Variants in CNOT4 observed in about 807,000 individuals in gnomAD.
CNOT4 encodes CCR4-NOT transcription complex subunit 4, also known as CCR4-associated factor 4.
Under a neutral mutation model 73.8 loss-of-function variants are expected in CNOT4, and 8 were observed. The observed-to-expected ratio is 0.11, with a 90% CI of 0.06 to 0.20. The LOEUF (loss-of-function observed/expected upper bound fraction) is 0.20. Ranked by LOEUF, CNOT4 falls within the 10% of genes least tolerant of loss-of-function variation. The probability of loss-of-function intolerance (pLI) is 1.00; values close to 1 mark genes in which losing one functional copy is unlikely to be tolerated. For synonymous variants in CNOT4, 293 were observed against 321.1 expected (o/e 0.91, Z 0.94); for missense variants, 564 against 883.4 (o/e 0.64, Z 4.58).
intron 1 of CNOT4, among the ~76,000 whole-genome samples, chr7:135,472,284 T>G (rs1326676671): frequency 6.7e-6 from 1 of 149,126 alleles, no homozygotes; most frequent in Non-Finnish European, 1.5e-5. Context: ...GAGACCATCC[T>G]GGATAACACA....
rs1796651859 is a variant in CNOT4, at chr7:135,395,880, A to G, written c.883T>C (p.Ser295Pro). ...IGNGDNSQQI[S>P]NSDTPSPPPG... ...GGTGGTGAAGGCGTATCACTGTTAG[A>G]TATCTGAATAAAAAAGGAAAACAAA... Residue 295 changes from serine to proline, a missense_variant, in exon 9 of 12, where the codon TCT becomes CCT. This residue lies in a region of CNOT4 where 135 missense variants were observed against 154.0 expected (regional missense o/e 0.88). Coordinates refer to ENST00000541284, the MANE Select transcript of CNOT4 (RefSeq NM_001190850.2). The G allele has an allele frequency of 3.7e-6, 6 of 1,600,074 alleles. No individual in the cohort carries two copies. The East Asian group carries it at 8.9e-5, about 24-fold the overall frequency.
chr7:135,502,829 A>G (rs539154893), intron 1 of CNOT4, among the ~76,000 whole-genome samples: 5 of 151,132 alleles, frequency 3.3e-5, no homozygotes, highest in African/African-American at 4.9e-5. Context: ...AAAAAAAAAA[A>G]AAAAAGAAAA....
At chr7:135,472,823 T>C (rs971637523) in intron 1 of CNOT4, among the ~76,000 whole-genome samples, 1 of 151,930 alleles carries the variant, frequency 6.6e-6, no homozygotes, top group African/African-American at 2.4e-5. Flanking sequence ...GTGGATCACT[T>C]GAGCCCTGTA....
Position 135,385,110 on chromosome 7 carries a change from C to T in CNOT4, c.1627+8808G>A, listed in dbSNP as rs80276777. Among the ~76,000 whole-genome samples, 340 of 152,350 alleles carry T rather than the reference C, an allele frequency of 2.2e-3. 12 individuals carry two copies. In the East Asian group the frequency reaches 0.054, roughly 24 times the overall value. On this transcript the variant is annotated intron_variant, in intron 10 of 11. Transcript: ENST00000541284. ...AATGGCATACTACTGGAATTACTTT[C>T]TAACCGGTCCTAATTGCAATCAAAT... is the stretch of plus-strand genomic sequence containing the variant.
At chr7:135,451,028 A>C (rs913397116) in intron 1 of CNOT4, among the ~76,000 whole-genome samples, 1 of 152,204 alleles carries the variant, frequency 6.6e-6, no homozygotes, top group Non-Finnish European at 1.5e-5. Context: ...TTTCAAGGGT[A>C]ATCACATAAT....
intron 10 of CNOT4, among the ~76,000 whole-genome samples, 190 bp downstream of exon 10, chr7:135,393,728 C>A (rs1796521939): frequency 6.6e-6 from 1 of 152,068 alleles, no homozygotes; most frequent in African/African-American, 2.4e-5. Context: ...ACTCCACCAT[C>A]CTTATAAAGC....
Position 135,397,317 on chromosome 7 carries a change from A to C in CNOT4, c.879+852T>G, listed in dbSNP as rs76207643. On this transcript the variant is annotated intron_variant, in intron 8 of 11. Coordinates refer to ENST00000541284, the MANE Select transcript of CNOT4 (RefSeq NM_001190850.2). ...ATTATGATGGGATATCAAAACATTAAATTTTTCAGATACCAATATTTCTAA... is the reference window on the plus strand; with the variant it reads ...ATTATGATGGGATATCAAAACATTACATTTTTCAGATACCAATATTTCTAA... Among the ~76,000 whole-genome samples, 336 of 152,238 alleles carry C rather than the reference A, an allele frequency of 2.2e-3. 11 individuals are homozygous for C. In the East Asian group the frequency reaches 0.053, roughly 24 times the overall value.
At chr7:135,393,584 C>T (rs1459939546) in intron 10 of CNOT4, among the ~76,000 whole-genome samples, 2 of 151,978 alleles carry the variant, frequency 1.3e-5, no homozygotes, top group Non-Finnish European at 2.9e-5. Context: ...TAATTTTCAC[C>T]ACGGTGTTGG....
intron 10 of CNOT4, chr7:135,388,093 C>T: frequency 1.0e-6 from 1 of 985,210 alleles, no homozygotes; most frequent in Non-Finnish European, 1.2e-6. Flanking sequence ...TGAGGCATTT[C>T]CTGGTATACT....
chr7:135,453,826 T>TTTTATATATATATATA (rs1275359797), intron 1 of CNOT4, among the ~76,000 whole-genome samples: 8 of 89,906 alleles, frequency 8.9e-5, no homozygotes, highest in East Asian at 4.2e-4. Flanking sequence ...TATATATATT[T>TTTTATATATATATATA]TATATATATA....
At chr7:135,457,115 A>T (rs918329393) in intron 1 of CNOT4, among the ~76,000 whole-genome samples, 5 of 152,120 alleles carry the variant, frequency 3.3e-5, no homozygotes, top group Non-Finnish European at 7.4e-5. Context: ...ACAGCATCAA[A>T]TAAAACATCA....
At position 135,476,793 on chromosome 7, in the gene CNOT4, G is replaced by A. The variant is rs1802022060; in HGVS notation, c.-93+33096C>T. Among the ~76,000 whole-genome samples the A allele has an allele frequency of 3.3e-5, 5 of 152,222 alleles. No homozygotes were observed. The South Asian group carries it at 8.3e-4, about 25-fold the overall frequency. ...TCCAGACCAGCCTGGGCAATACAGCGAAATCCCATCTCTACAAAAAATACA... is the reference window on the plus strand; with the variant it reads ...TCCAGACCAGCCTGGGCAATACAGCAAAATCCCATCTCTACAAAAAATACA... On this transcript the variant is annotated intron_variant, in intron 1 of 11. Transcript: ENST00000541284.
At chr7:135,482,307 G>A (rs1269896404) in intron 1 of CNOT4, among the ~76,000 whole-genome samples, 5 of 152,128 alleles carry the variant, frequency 3.3e-5, no homozygotes, top group Non-Finnish European at 7.4e-5. Flanking sequence ...TGTAATCCCA[G>A]CACTTTGGGA....
At chr7:135,426,975 CAT>C (rs913605431) in intron 2 of CNOT4, among the ~76,000 whole-genome samples, 25 of 149,742 alleles carry the variant, frequency 1.7e-4, no homozygotes, top group Non-Finnish European at 4.4e-5. Flanking sequence ...GACTAAAACA[CAT>C]GTTAAATTTC....
chr7:135,424,033 C>CA (rs1232094079), intron 2 of CNOT4, among the ~76,000 whole-genome samples: 13 of 141,564 alleles, frequency 9.2e-5, no homozygotes, highest in African/African-American at 3.0e-4. Flanking sequence ...AACAAACAAA[C>CA]AAACAAAACA....
intron 1 of CNOT4, among the ~76,000 whole-genome samples, chr7:135,470,181 C>T (rs1042070133): frequency 1.3e-5 from 2 of 151,744 alleles, no homozygotes; most frequent in Non-Finnish European, 2.9e-5. Flanking sequence ...GGCACAGCAA[C>T]TGCAGTGGTG....
At chr7:135,450,196 C>T (rs1022452563) in intron 1 of CNOT4, among the ~76,000 whole-genome samples, 24 of 151,952 alleles carry the variant, frequency 1.6e-4, no homozygotes, top group Non-Finnish European at 2.6e-4. Context: ...AGAAATGAGG[C>T]TAAATTAAAA....
intron 2 of CNOT4, among the ~76,000 whole-genome samples, chr7:135,424,040 AACACACACACACACACACACACACACAC>A (rs3138785): frequency 2.1e-5 from 3 of 144,192 alleles, no homozygotes; most frequent in Admixed American, 7.0e-5. Flanking sequence ...AAACAAACAA[AACACACACACACACACACACACACACAC>A]ACACACACAC....
chr7:135,499,063 T>C (rs976153578), intron 1 of CNOT4, among the ~76,000 whole-genome samples: 14 of 152,336 alleles, frequency 9.2e-5, no homozygotes, highest in South Asian at 4.1e-4. Context: ...CAGAGGTTTT[T>C]TTCATAAAAC....
Sources: allele counts gnomAD v4.1 joint callset (sites outside exome capture counted in the v4.1 genomes callset), GRCh38; gene constraint gnomAD v4.1.1; regional missense constraint gnomAD v4.1.1; transcripts MANE v1.5; gene names NCBI Gene and HGNC (gene_info 2026-07-23, HGNC 2026-07-21).